The following CADPS2 variants were observed in gnomAD, a reference collection of about 807,000 sequenced individuals.
CADPS2 encodes calcium-dependent secretion activator 2.
CADPS2 carries 93 observed loss-of-function variants against 172.5 expected under a neutral mutation model. The ratio of observed to expected loss-of-function variants is 0.54; its 90% CI spans 0.46 to 0.64. CADPS2 has a LOEUF of 0.64. Ranked by LOEUF, CADPS2 falls within the 30% of genes least tolerant of loss-of-function variation. The pLI, the probability that CADPS2 is intolerant of heterozygous loss-of-function variation, is 0.00. For missense variants in CADPS2, 1,420 were observed against 1,565.9 expected, an observed-to-expected ratio of 0.91 and a Z score of 1.57; for synonymous variants, 546 against 555.2, an observed-to-expected ratio of 0.98 and a Z score of 0.23.
Position 122,517,500 on chromosome 7 carries a change from C to A in CADPS2, c.1476-4185G>T, listed in dbSNP as rs117352662. On this transcript the variant is annotated intron_variant, in intron 8 of 29. Coordinates refer to ENST00000449022, the MANE Select transcript of CADPS2 (RefSeq NM_017954.11). The stretch of plus-strand genomic sequence containing the variant: ...CAAATTGTTTTCCAAACTGGCTATA[C>A]CATTTTGAGTTACCATCAGCAAATG... Among the ~76,000 whole-genome samples the A allele has an allele frequency of 6.4e-4, 98 of 152,054 alleles. 2 individuals are homozygous for A. In the East Asian group the frequency reaches 0.018, roughly 28 times the overall value.
Position 122,441,562 on chromosome 7 carries a change from A to AG in CADPS2, c.2301dup (p.Phe768LeufsTer5). The AG allele has an allele frequency of 6.5e-7, 1 of 1,536,628 alleles. No individual in the cohort carries two copies. The highest frequency in any genetic ancestry group is 8.8e-7 in the Non-Finnish European group (1 of 1,141,036). On this transcript the variant is annotated frameshift_variant, in exon 16 of 30. Coordinates refer to ENST00000449022, the MANE Select transcript of CADPS2 (RefSeq NM_017954.11). LOFTEE classifies it high-confidence loss of function. ...TTTAGAGCACCTTCAGGTCGTCCAA[A>AG]GGGAAAACAGTATCTTTAAAAACAA...
chr7:122,329,175 T>C (rs2150782535), intron 28 of CADPS2, among the ~76,000 whole-genome samples: 1 of 152,258 alleles, frequency 6.6e-6, no homozygotes, highest in African/African-American at 2.4e-5. Flanking sequence ...GTTCATCAGC[T>C]TTCTTAAACA....
At chr7:122,442,673 T>C (rs1395753631) in intron 15 of CADPS2, among the ~76,000 whole-genome samples, 1 of 152,232 alleles carries the variant, frequency 6.6e-6, no homozygotes, top group Admixed American at 6.5e-5. Flanking sequence ...ATTTCTCCTT[T>C]TTAAAACAAA....
chr7:122,629,220 A>C, intron 4 of CADPS2, 28 bp downstream of exon 4: 1 of 1,557,516 alleles, frequency 6.4e-7, no homozygotes, highest in Non-Finnish European at 8.8e-7. Context: ...AAGGAATGTC[A>C]TACAGTATGT....
At chr7:122,518,789 A>G (rs1276458249) in intron 8 of CADPS2, among the ~76,000 whole-genome samples, 1 of 152,040 alleles carries the variant, frequency 6.6e-6, no homozygotes, top group Admixed American at 6.6e-5. Context: ...ACAATTTATG[A>G]TGTTATCCAA....
chr7:122,562,046 G>A (rs1349876100), intron 7 of CADPS2, among the ~76,000 whole-genome samples: 6 of 152,148 alleles, frequency 3.9e-5, no homozygotes, highest in African/African-American at 9.7e-5. Context: ...TGATAACAGA[G>A]AATGATGGTA....
At chr7:122,362,404 C>G (rs1379493746) in intron 25 of CADPS2, among the ~76,000 whole-genome samples, 1 of 152,098 alleles carries the variant, frequency 6.6e-6, no homozygotes, top group Non-Finnish European at 1.5e-5. Flanking sequence ...CTTCCTCCAT[C>G]AGTTAAATGG....
intron 8 of CADPS2, among the ~76,000 whole-genome samples, chr7:122,548,514 AC>A (rs2063859803): frequency 6.6e-6 from 1 of 152,206 alleles, no homozygotes; most frequent in Non-Finnish European, 1.5e-5. Context: ...ATAAAACTTG[AC>A]AAATTTTAAT....
intron 7 of CADPS2, among the ~76,000 whole-genome samples, chr7:122,561,199 G>T (rs1329424096): frequency 1.3e-5 from 2 of 152,070 alleles, no homozygotes; most frequent in African/African-American, 4.8e-5. Context: ...GGGCTAAATT[G>T]AGTTCTTTTA....
At chr7:122,639,431 CT>C (rs1241180472) in intron 3 of CADPS2, among the ~76,000 whole-genome samples, 14 of 152,240 alleles carry the variant, frequency 9.2e-5, no homozygotes, top group African/African-American at 3.4e-4. Context: ...ATGATAGCAC[CT>C]TATAAAACTA....
chr7:122,492,323 T>C (rs147149730), intron 9 of CADPS2, among the ~76,000 whole-genome samples: 85 of 152,224 alleles, frequency 5.6e-4, no homozygotes, highest in African/African-American at 8.2e-4. Context: ...AGTGACAACA[T>C]TGCCAAGATC....
intron 2 of CADPS2, among the ~76,000 whole-genome samples, chr7:122,709,603 C>T (rs567147685): frequency 6.6e-6 from 1 of 151,732 alleles, no homozygotes; most frequent in African/African-American, 2.4e-5. Flanking sequence ...AAGACACATG[C>T]ACACGTATGT....
chr7:122,600,437 A>G (rs957168870), intron 6 of CADPS2, among the ~76,000 whole-genome samples: 15 of 152,068 alleles, frequency 9.9e-5, no homozygotes, highest in African/African-American at 3.6e-4. Context: ...GTAATCACCA[A>G]TCTGTCTGAT....
At chr7:122,689,429 C>G (rs756929772) in intron 2 of CADPS2, among the ~76,000 whole-genome samples, 16 of 152,204 alleles carry the variant, frequency 1.1e-4, no homozygotes, top group South Asian at 2.1e-4. Context: ...ATTCAGGGCC[C>G]GAGCTGTGTG....
chr7:122,477,027 GGAGAGGAGAGGAGAGGAGAGAGAGA>G lies in CADPS2; in HGVS notation c.1862-2535_1862-2511del, dbSNP rs1420289606. Among the ~76,000 whole-genome samples the G allele has an allele frequency of 2.2e-3, 236 of 108,970 alleles. 4 individuals are homozygous for G. Among genetic ancestry groups the G allele is most frequent in the African/African-American group, 9.8e-3 (227 of 23,182 alleles). 71.5% of individuals were successfully genotyped at this position (108,970 alleles called of 152,430 possible). A position where few individuals can be genotyped will look rare whatever the true frequency, so the allele number is the denominator to read the frequency against. ...GGAGAGGAGAGGAGAGGAGAGGAGA[GGAGAGGAGAGGAGAGGAGAGAGAGA>G]AGAGAGAGAGAGAGAGAGAGAGAGA... is the stretch of plus-strand genomic sequence containing the variant. On this transcript the variant is annotated intron_variant, in intron 12 of 29. Transcript: ENST00000449022.
At chr7:122,702,428 C>T (rs745559219) in intron 2 of CADPS2, 27 of 1,613,684 alleles carry the variant, frequency 1.7e-5, no homozygotes, top group South Asian at 5.5e-5. Context: ...AGTACAGCCT[C>T]CACGTTCGAT....
intron 1 of CADPS2, among the ~76,000 whole-genome samples, chr7:122,819,739 A>G (rs970870831): frequency 1.3e-5 from 2 of 152,032 alleles, no homozygotes; most frequent in Admixed American, 1.3e-4. Flanking sequence ...GACTACAGCT[A>G]TATCTCATCG....
intron 14 of CADPS2, 30 bp downstream of exon 14, chr7:122,471,345 A>G (rs2055910910): frequency 6.3e-7 from 1 of 1,581,716 alleles, no homozygotes; most frequent in Non-Finnish European, 8.6e-7. Flanking sequence ...AACCCCATAC[A>G]TTTCACTTTG....
At chr7:122,559,978 C>T (rs2065535224) in intron 7 of CADPS2, among the ~76,000 whole-genome samples, 1 of 151,798 alleles carries the variant, frequency 6.6e-6, no homozygotes, top group Non-Finnish European at 1.5e-5. Context: ...ATCAGGGTCA[C>T]ATGGGGATCA....
Sources: allele counts gnomAD v4.1 joint callset (sites outside exome capture counted in the v4.1 genomes callset), GRCh38; gene constraint gnomAD v4.1.1; transcripts MANE v1.5; gene names NCBI Gene and HGNC (gene_info 2026-07-23, HGNC 2026-07-21).